KIAA1217: variants seen among roughly 807,000 people sequenced by gnomAD.
KIAA1217 encodes sickle tail protein homolog.
A neutral mutation model predicts 163.9 loss-of-function variants in KIAA1217; 88 were observed. That is an observed-to-expected ratio of 0.54 (90% CI 0.45 to 0.64). KIAA1217 has a LOEUF of 0.64. Ranked by LOEUF, KIAA1217 falls within the 30% of genes least tolerant of loss-of-function variation. The probability of loss-of-function intolerance (pLI) is 0.00; values close to 1 mark genes in which losing one functional copy is unlikely to be tolerated. For missense variants in KIAA1217, 2,372 were observed against 2,475.0 expected (o/e 0.96, Z 0.88); for synonymous variants, 903 against 923.1 (o/e 0.98, Z 0.39).
chr10:23,969,627 ATTTATATC>A (rs1845219671), intron 1 of KIAA1217, among the ~76,000 whole-genome samples: 1 of 152,000 alleles, frequency 6.6e-6, no homozygotes, highest in Non-Finnish European at 1.5e-5. Context: ...TTAATTGGTT[ATTTATATC>A]TTTACTATTG....
chr10:24,466,721 A>G (rs1021388818), intron 5 of KIAA1217: 2 of 985,360 alleles, frequency 2.0e-6, no homozygotes, highest in African/African-American at 3.5e-5. Context: ...CAAAGGAATC[A>G]TGTAATCAGG....
chr10:23,968,908 G>C (rs1845183005), intron 1 of KIAA1217, among the ~76,000 whole-genome samples: 1 of 151,966 alleles, frequency 6.6e-6, no homozygotes, highest in African/African-American at 2.4e-5. Context: ...TCTCCTATTT[G>C]ACCATTATGA....
At chr10:23,885,991 A>T (rs1018630989) in intron 1 of KIAA1217, among the ~76,000 whole-genome samples, 2 of 151,904 alleles carry the variant, frequency 1.3e-5, no homozygotes, top group African/African-American at 4.8e-5. Flanking sequence ...ACTTCCCATC[A>T]TCACTTCACA....
chr10:24,525,759 C>T (rs915727287), intron 13 of KIAA1217, among the ~76,000 whole-genome samples: 6 of 152,180 alleles, frequency 3.9e-5, no homozygotes, highest in Admixed American at 2.6e-4. Flanking sequence ...GAGGCCGAGG[C>T]GGGTCGATCA....
chr10:24,252,182 G>A (rs1274997800), intron 2 of KIAA1217, among the ~76,000 whole-genome samples: 1 of 152,044 alleles, frequency 6.6e-6, no homozygotes, highest in Non-Finnish European at 1.5e-5. Flanking sequence ...AGGCAAACAG[G>A]TTCATAGCCA....
chr10:23,736,393 G>A (rs183118516), intron 1 of KIAA1217, among the ~76,000 whole-genome samples: 52 of 152,254 alleles, frequency 3.4e-4, no homozygotes, highest in African/African-American at 1.0e-3. Flanking sequence ...GATCTCCAGT[G>A]CCGCCTTTGC....
chr10:24,099,586 T>TATATATATATATTA (rs1306527831), intron 2 of KIAA1217, among the ~76,000 whole-genome samples: 1 of 143,456 alleles, frequency 7.0e-6, no homozygotes, highest in East Asian at 2.0e-4. Context: ...TATATATATA[T>TATATATATATATTA]TATATATATA....
In KIAA1217 at chr10:24,532,000, T is replaced by A. The variant is rs746523272; in HGVS notation, c.3246+7T>A. ...GGAGAACATCACCGCTAAGGTCTGA[T>A]AGGCTAAGCCCTGGTAAACTGGCCT... On this transcript the variant is annotated splice_region_variant and intron_variant, in intron 15 of 20. Coordinates refer to ENST00000376454, the MANE Select transcript of KIAA1217 (RefSeq NM_019590.5). The A allele has an allele frequency of 6.5e-7, 1 of 1,533,792 alleles. No homozygotes were observed. Among genetic ancestry groups the A allele is most frequent in the Admixed American group, 1.9e-5 (1 of 53,250 alleles).
intron 3 of KIAA1217, among the ~76,000 whole-genome samples, chr10:24,412,603 C>T (rs1336144399): frequency 6.6e-6 from 1 of 152,202 alleles, no homozygotes; most frequent in East Asian, 1.9e-4. Context: ...GCTTCCTGGA[C>T]ATCTCTTCCA....
In KIAA1217 at chr10:24,219,896, G is replaced by A. The variant is rs985946843; in HGVS notation, c.341G>A (p.Arg114Lys). The A allele has an allele frequency of 1.2e-6, 2 of 1,600,792 alleles. No individual in the cohort carries two copies. The highest frequency in any genetic ancestry group is 1.7e-6 in the Non-Finnish European group (2 of 1,173,138). Residue 114 changes from arginine to lysine, a missense_variant, in exon 2 of 21, where the codon AGG (arginine) becomes AAG (lysine). Arg to Lys is a conservative substitution (Grantham distance 26). This residue lies in a region of KIAA1217 where 1,431 missense variants were observed against 1,470.3 expected (regional missense o/e 0.97). Transcript: ENST00000376454. ...TCTGCAATCATGGGTCACCAAGAGA[G>A]GCTGAGAGACCAGGTACGAATATGC... ...HASAIMGHQE[R>K]LRDQTRSPKL...
intron 3 of KIAA1217, among the ~76,000 whole-genome samples, chr10:24,403,396 A>G (rs2056811658): frequency 6.6e-6 from 1 of 152,002 alleles, no homozygotes; most frequent in Admixed American, 6.6e-5. Flanking sequence ...GTGCCACCAC[A>G]CCTTGCTAAT....
At chr10:24,203,765 T>G (rs917702275) in intron 2 of KIAA1217, among the ~76,000 whole-genome samples, 12 of 152,210 alleles carry the variant, frequency 7.9e-5, no homozygotes, top group Admixed American at 4.6e-4. Flanking sequence ...CCCTGGCCCT[T>G]CAGGAACTCT....
Position 24,065,573 on chromosome 10 carries a change from A to G in KIAA1217, c.-171+58199A>G, listed in dbSNP as rs537097811. On this transcript the variant is annotated intron_variant, in intron 2 of 18. Transcript: ENST00000376462. ...TGCTTTACTTCCAACTATGTGGTCA[A>G]TTTTGGAATAGGTGTGGTGTGGTGC... Among the ~76,000 whole-genome samples, 166 of 152,246 alleles carry G rather than the reference A, an allele frequency of 1.1e-3. 1 individual carries two copies. Among genetic ancestry groups the G allele is most frequent in the South Asian group, 1.0e-3 (5 of 4,826 alleles).
chr10:23,840,056 A>T (rs1838696000), intron 1 of KIAA1217, among the ~76,000 whole-genome samples: 1 of 152,094 alleles, frequency 6.6e-6, no homozygotes, highest in Non-Finnish European at 1.5e-5. Context: ...CAGTGGTGGA[A>T]ATTGCCTAAT....
chr10:24,290,605 CTCTT>C (rs1353299516), intron 2 of KIAA1217, among the ~76,000 whole-genome samples: 8 of 151,000 alleles, frequency 5.3e-5, no homozygotes, highest in East Asian at 1.9e-4. Flanking sequence ...ACAGATGTCT[CTCTT>C]TTTTTTTTTT....
At chr10:24,509,227 C>G (rs183018809) in intron 9 of KIAA1217, among the ~76,000 whole-genome samples, 29 of 152,310 alleles carry the variant, frequency 1.9e-4, no homozygotes, top group African/African-American at 6.7e-4. Flanking sequence ...CAGGAACTGT[C>G]CTGCAGCCTG....
At chr10:23,837,475 G>A (rs1226191691) in intron 1 of KIAA1217, among the ~76,000 whole-genome samples, 1 of 152,082 alleles carries the variant, frequency 6.6e-6, no homozygotes, top group African/African-American at 2.4e-5. Flanking sequence ...GACATTCTTT[G>A]GTTTTCACTC....
At chr10:24,528,181 C>T (rs79576236) in intron 14 of KIAA1217, 62 bp downstream of exon 14, 160,670 of 1,369,494 alleles carry the variant, frequency 0.12, 10,953 homozygotes, top group Admixed American at 0.15. Context: ...AATACAGTGC[C>T]ATCCACGACA....
At chr10:24,085,883 G>T (rs2061681803) in intron 2 of KIAA1217, among the ~76,000 whole-genome samples, 1 of 152,006 alleles carries the variant, frequency 6.6e-6, no homozygotes, top group South Asian at 2.1e-4. Context: ...TGAGGTGAGA[G>T]GATCACTTAA....
Sources: gnomAD v4.1 joint callset for allele counts (sites outside exome capture counted in the v4.1 genomes callset) on GRCh38, gnomAD v4.1.1 for gene constraint, gnomAD v4.1.1 regional missense constraint, MANE v1.5 for transcripts, NCBI Gene and HGNC (gene_info 2026-07-23, HGNC 2026-07-21) for gene names.